The following LSAMP variants were observed in gnomAD, a reference collection of about 807,000 sequenced individuals.
LSAMP encodes the protein limbic system-associated membrane protein.
A neutral mutation model predicts 38.6 loss-of-function variants in LSAMP; 7 were observed. The ratio of observed to expected loss-of-function variants is 0.18; its 90% confidence interval spans 0.10 to 0.34. The LOEUF is 0.34. Ranked by LOEUF, LSAMP falls within the 10% of genes least tolerant of loss-of-function variation. LSAMP has a pLI of 1.00. For synonymous variants in LSAMP, 154 were observed against 166.8 expected, an observed-to-expected ratio of 0.92 and a Z score of 0.59; for missense variants, 313 against 420.0, an observed-to-expected ratio of 0.75 and a Z score of 2.23.
At chr3:116,261,947 A>G (rs561157771) in intron 1 of LSAMP, among the ~76,000 whole-genome samples, 1 of 151,024 alleles carries the variant, frequency 6.6e-6, no homozygotes, top group African/African-American at 2.4e-5. Context: ...TCTTTTTCTA[A>G]ATTAAAGTAA....
Position 115,809,541 on chromosome 3 carries a change from C to G in LSAMP, c.*776G>C, listed in dbSNP as rs1933740656. The stretch of plus-strand genomic sequence containing the variant: ...GGCATGCTTTAGAGAGAGACACACA[C>G]ACGCTCACACACATGTACACCCACG... On this transcript the variant is annotated 3_prime_UTR_variant, in exon 7 of 7. Coordinates refer to ENST00000490035, the MANE Select transcript of LSAMP (RefSeq NM_002338.5). 6.6e-6 allele frequency: 1 copy of G among 152,456 alleles called. No homozygotes were observed. Among genetic ancestry groups the G allele is most frequent in the South Asian group, 2.1e-4 (1 of 4,836 alleles). The allele number at this position is 152,456 out of a possible 1,614,324, so 9.4% of individuals were successfully genotyped here. A position where few individuals can be genotyped will look rare whatever the true frequency, so the allele number is the denominator to read the frequency against.
At chr3:116,101,178 T>C (rs1264012397) in intron 1 of LSAMP, among the ~76,000 whole-genome samples, 2 of 152,166 alleles carry the variant, frequency 1.3e-5, no homozygotes, top group African/African-American at 4.8e-5. Context: ...TTTATAAGAG[T>C]GTCCCCACTC....
At chr3:115,914,994 G>A (rs896031503) in intron 3 of LSAMP, among the ~76,000 whole-genome samples, 1 of 152,210 alleles carries the variant, frequency 6.6e-6, no homozygotes, top group Non-Finnish European at 1.5e-5. Flanking sequence ...GGGGAGGGGT[G>A]TGTTAGGTAC....
At chr3:116,168,138 C>G (rs1372688051) in intron 1 of LSAMP, among the ~76,000 whole-genome samples, 1 of 152,174 alleles carries the variant, frequency 6.6e-6, no homozygotes, top group Non-Finnish European at 1.5e-5. Context: ...TCAAATTGTT[C>G]CTTTTTCTAA....
chr3:116,165,188 G>A (rs1452521580), intron 1 of LSAMP, among the ~76,000 whole-genome samples: 1 of 152,188 alleles, frequency 6.6e-6, no homozygotes, highest in Non-Finnish European at 1.5e-5. Context: ...TTGCCTGTGG[G>A]CAGGAGTTGA....
chr3:116,198,713 G>A lies in LSAMP; in HGVS notation c.156-112157C>T, dbSNP rs189690285. On this transcript the variant is annotated intron_variant, in intron 1 of 6. Coordinates refer to ENST00000490035, the MANE Select transcript of LSAMP (RefSeq NM_002338.5). The stretch of plus-strand genomic sequence containing the variant: ...GTGAACTCGGGAGGCGCAGCTTATA[G>A]TGAGCCTGGATGGCGCCACTGCACT... Among the ~76,000 whole-genome samples, 620 of 148,414 alleles carry A rather than the reference G, an allele frequency of 4.2e-3. 6 individuals are homozygous for A. Among genetic ancestry groups the A allele is most frequent in the African/African-American group, 0.014 (584 of 40,786 alleles).
intron 1 of LSAMP, among the ~76,000 whole-genome samples, chr3:116,439,350 T>C (rs772988330): frequency 6.6e-6 from 1 of 151,000 alleles, no homozygotes; most frequent in Non-Finnish European, 1.5e-5. Flanking sequence ...TATGTGATAC[T>C]TAAGATGCCC....
chr3:116,341,846 G>T (rs774195524), intron 1 of LSAMP, among the ~76,000 whole-genome samples: 7 of 151,914 alleles, frequency 4.6e-5, no homozygotes, highest in Non-Finnish European at 1.0e-4. Flanking sequence ...TCAGTACGGA[G>T]AATAGCACTG....
intron 1 of LSAMP, among the ~76,000 whole-genome samples, chr3:116,088,044 C>A (rs1303292483): frequency 6.6e-6 from 1 of 151,536 alleles, no homozygotes; most frequent in Non-Finnish European, 1.5e-5. Flanking sequence ...TAGGTGCATG[C>A]CACCAGGACT....
rs115974577 is a variant in LSAMP at position 116,160,720 on chromosome 3, G to A, written c.156-74164C>T. Reference sequence around the variant, plus strand: ...TATATTTGGCAACACTTGATGACTGGTATGTGAATATGTAATGGATGTGAG... The same window carrying A: ...TATATTTGGCAACACTTGATGACTGATATGTGAATATGTAATGGATGTGAG... On this transcript the variant is annotated intron_variant, in intron 1 of 6. Coordinates refer to ENST00000490035, the MANE Select transcript of LSAMP (RefSeq NM_002338.5). Among the ~76,000 whole-genome samples the A allele has an allele frequency of 2.2e-3, 329 of 152,240 alleles. 2 individuals are homozygous for A. Among genetic ancestry groups the A allele is most frequent in the African/African-American group, 7.6e-3 (314 of 41,540 alleles).
Position 115,862,386 on chromosome 3 carries a change from A to G in LSAMP, c.515-9769T>C, listed in dbSNP as rs1935731494. 1.3e-5 allele frequency among the ~76,000 whole-genome samples: 2 copies of G among 152,228 alleles called. 1 individual carries two copies. Among genetic ancestry groups the G allele is most frequent in the African/African-American group, 4.8e-5 (2 of 41,460 alleles). On this transcript the variant is annotated intron_variant, in intron 3 of 6. Coordinates refer to ENST00000490035, the MANE Select transcript of LSAMP (RefSeq NM_002338.5). The stretch of plus-strand genomic sequence containing the variant: ...TGAAGCTGCCACAGAAGCCTTTGAA[A>G]TGTAATTAAAACAAAGCAGACAATA...
intron 1 of LSAMP, among the ~76,000 whole-genome samples, chr3:116,276,541 G>A (rs2047054275): frequency 1.3e-5 from 2 of 151,946 alleles, no homozygotes; most frequent in Admixed American, 6.6e-5. Context: ...TGGGAGGGAG[G>A]CGAGGGATAA....
chr3:115,896,402 C>T (rs1936730051), intron 3 of LSAMP, among the ~76,000 whole-genome samples: 1 of 151,902 alleles, frequency 6.6e-6, no homozygotes, highest in Non-Finnish European at 1.5e-5. Context: ...ATAAGGTGGC[C>T]AACTCCCAGG....
intron 2 of LSAMP, among the ~76,000 whole-genome samples, chr3:116,075,825 G>A (rs1472364959): frequency 6.6e-6 from 1 of 152,146 alleles, no homozygotes. Flanking sequence ...ACAAGTGTGA[G>A]CCACCGTGTC....
chr3:115,843,705 A>G (rs1935071043), intron 4 of LSAMP, among the ~76,000 whole-genome samples: 1 of 151,980 alleles, frequency 6.6e-6, no homozygotes, highest in Non-Finnish European at 1.5e-5. Context: ...TTTTGTATTA[A>G]AAAACTATTG....
intron 6 of LSAMP, chr3:115,814,036 A>G (rs190073151): frequency 1.3e-5 from 2 of 152,344 alleles, no homozygotes; most frequent in African/African-American, 2.4e-5. Flanking sequence ...AATCCATTCT[A>G]TATGTGTGTT....
At chr3:115,960,834 T>A (rs1487384911) in intron 3 of LSAMP, among the ~76,000 whole-genome samples, 1 of 152,206 alleles carries the variant, frequency 6.6e-6, no homozygotes, top group African/African-American at 2.4e-5. Context: ...ATCGTTAATT[T>A]TTTTCCCCAT....
chr3:116,056,196 G>A (rs1941487837), intron 2 of LSAMP, among the ~76,000 whole-genome samples: 1 of 151,924 alleles, frequency 6.6e-6, no homozygotes, highest in East Asian at 1.9e-4. Context: ...CTATAAACTC[G>A]GGAACAGAAT....
intron 2 of LSAMP, among the ~76,000 whole-genome samples, chr3:116,041,795 G>A (rs1241245852): frequency 2.9e-5 from 3 of 102,814 alleles, no homozygotes; most frequent in African/African-American, 5.0e-5. Flanking sequence ...ATGAAAGCAT[G>A]CAAAAAAAAA....
Sources: gnomAD v4.1 joint callset for allele counts (sites outside exome capture counted in the v4.1 genomes callset) on GRCh38, gnomAD v4.1.1 for gene constraint, MANE v1.5 for transcripts, NCBI Gene and HGNC (gene_info 2026-07-23, HGNC 2026-07-21) for gene names.